Variants in RAB27B observed in about 807,000 individuals in gnomAD.
RAB27B encodes the protein ras-related protein Rab-27B.
Under a neutral mutation model 24.6 loss-of-function variants are expected in RAB27B, and 15 were observed. The ratio of observed to expected loss-of-function variants is 0.61; its 90% confidence interval spans 0.41 to 0.94. RAB27B has a LOEUF of 0.94. RAB27B is among the 40% of genes least tolerant of loss of function. RAB27B has a pLI of 0.00. For synonymous variants in RAB27B, 105 were observed against 92.5 expected, an observed-to-expected ratio of 1.14 and a Z score of -0.78; for missense variants, 261 against 266.8, an observed-to-expected ratio of 0.98 and a Z score of 0.15.
intron 1 of RAB27B, among the ~76,000 whole-genome samples, chr18:54,872,206 A>G (rs933947429): frequency 1.3e-5 from 2 of 152,184 alleles, no homozygotes; most frequent in Non-Finnish European, 2.9e-5. Context: ...CTCTGCTAGC[A>G]CAAATTTTAC....
At chr18:54,780,695 G>T (rs1347419960) in intron 2 of RAB27B, among the ~76,000 whole-genome samples, 1 of 152,170 alleles carries the variant, frequency 6.6e-6, no homozygotes, top group Non-Finnish European at 1.5e-5. Flanking sequence ...CATATTCTGA[G>T]ATATTGGCAG....
intron 2 of RAB27B, among the ~76,000 whole-genome samples, chr18:54,758,036 C>T (rs1018231665): frequency 5.3e-5 from 8 of 151,880 alleles, no homozygotes; most frequent in Non-Finnish European, 8.8e-5. Context: ...TGCAGTGGTG[C>T]GCTCTCGGCT....
intron 2 of RAB27B, among the ~76,000 whole-genome samples, chr18:54,727,226 G>A (rs1164802406): frequency 1.3e-5 from 2 of 151,986 alleles, no homozygotes; most frequent in African/African-American, 2.4e-5. Context: ...CGCCTGCCTC[G>A]GCCTTCCAAA....
intron 1 of RAB27B, among the ~76,000 whole-genome samples, chr18:54,875,010 A>C (rs932978581): frequency 6.6e-6 from 1 of 152,134 alleles, no homozygotes; most frequent in African/African-American, 2.4e-5. Flanking sequence ...CAACATATTC[A>C]ATGATACAGT....
chr18:54,752,053 T>C (rs1325607690), intron 2 of RAB27B, among the ~76,000 whole-genome samples: 1 of 152,132 alleles, frequency 6.6e-6, no homozygotes, highest in Non-Finnish European at 1.5e-5. Context: ...TCACAGAAGT[T>C]ATTACTACTT....
Position 54,895,511 on chromosome 18 carries a change from CAAT to C in RAB27B, c.*6099_*6101del, listed in dbSNP as rs1913532918. 1.3e-5 allele frequency: 2 copies of C among 152,132 alleles called. No individual in the cohort carries two copies. Among genetic ancestry groups the C allele is most frequent in the Non-Finnish European group, 2.9e-5 (2 of 68,000 alleles). 9.4% of individuals were successfully genotyped at this position (152,132 alleles called of 1,614,324 possible). ...TTTCAAATAAAAAATGAATTTTTAT[CAAT>C]TATTTTCTGTACTCAAAGCAACTTT... On this transcript the variant is annotated 3_prime_UTR_variant, in exon 6 of 6. Transcript: ENST00000262094.
intron 2 of RAB27B, among the ~76,000 whole-genome samples, chr18:54,802,165 T>C (rs1485332131): frequency 1.3e-5 from 2 of 152,242 alleles, no homozygotes; most frequent in Non-Finnish European, 2.9e-5. Flanking sequence ...AATCTTTACA[T>C]TGTTTGCAAA....
At chr18:54,779,965 C>T (rs1349358051) in intron 2 of RAB27B, among the ~76,000 whole-genome samples, 1 of 150,156 alleles carries the variant, frequency 6.7e-6, no homozygotes, top group African/African-American at 2.5e-5. Flanking sequence ...TGACGGCTTC[C>T]TCCTCACCGT....
chr18:54,749,931 T>C (rs939749883), intron 2 of RAB27B, among the ~76,000 whole-genome samples: 1 of 152,188 alleles, frequency 6.6e-6, no homozygotes, highest in African/African-American at 2.4e-5. Context: ...CTTTTAAAAA[T>C]AAATACTGTT....
At chr18:54,834,740 C>A (rs1910826908) in intron 1 of RAB27B, among the ~76,000 whole-genome samples, 1 of 149,760 alleles carries the variant, frequency 6.7e-6, no homozygotes, top group Admixed American at 6.6e-5. Context: ...AACATATGAA[C>A]TCTATAATAG....
In RAB27B at chr18:54,888,198, A is replaced by G. The variant is rs371895127; in HGVS notation, c.467+80A>G. The G allele has an allele frequency of 1.2e-4, 173 of 1,499,928 alleles. 1 individual carries two copies. Among genetic ancestry groups the G allele is most frequent in the African/African-American group, 7.6e-4 (55 of 72,064 alleles). The allele number at this position is 1,499,928 out of a possible 1,614,324, so 92.9% of individuals were successfully genotyped here. A position where few individuals can be genotyped will look rare whatever the true frequency, so the allele number is the denominator to read the frequency against. ...GGAGCAGAGACATTAGATTGATATT[A>G]GAAGAAATCCCCTTAACCAAGAACA... On this transcript the variant is annotated intron_variant, in intron 5 of 5. Coordinates refer to ENST00000262094, the MANE Select transcript of RAB27B (RefSeq NM_004163.4).
chr18:54,750,928 G>A (rs573357438), intron 2 of RAB27B, among the ~76,000 whole-genome samples: 1 of 152,286 alleles, frequency 6.6e-6, no homozygotes, highest in South Asian at 2.1e-4. Context: ...AAGCATGTCG[G>A]AGAGGAGCAA....
rs1433072653 is a variant in RAB27B at position 54,881,203 on chromosome 18, G to GA, written c.239+1754dup. 3.3e-5 allele frequency among the ~76,000 whole-genome samples: 5 copies of GA among 152,268 alleles called. No homozygotes were observed. In the East Asian group the frequency reaches 9.6e-4, roughly 29 times the overall value. On this transcript the variant is annotated intron_variant, in intron 3 of 5. Transcript: ENST00000262094. ...CCAATACTATGACACTGGATTTTGA[G>GA]AAAAAGAAAGGTTTTATTGCAAATC...
rs142750049 is a variant in RAB27B at position 54,882,541 on chromosome 18, G to A, written c.240-1792G>A. On this transcript the variant is annotated intron_variant, in intron 3 of 5. Transcript: ENST00000262094. ...CATGCAGTGTTGGGAAGGCCCCTTC[G>A]GGAAGTGTTATTTCCTCTGATACCA... is the stretch of plus-strand genomic sequence containing the variant. 1.0e-3 allele frequency among the ~76,000 whole-genome samples: 152 copies of A among 152,260 alleles called. 1 individual carries two copies. Among genetic ancestry groups the A allele is most frequent in the African/African-American group, 3.5e-3 (144 of 41,560 alleles).
intron 2 of RAB27B, among the ~76,000 whole-genome samples, chr18:54,812,864 C>G (rs1306612480): frequency 6.6e-6 from 1 of 152,008 alleles, no homozygotes; most frequent in Non-Finnish European, 1.5e-5. Flanking sequence ...CAAATAGTTG[C>G]AAATAAAACT....
intron 2 of RAB27B, among the ~76,000 whole-genome samples, chr18:54,794,790 C>T (rs59158218): frequency 0.013 from 2,051 of 152,288 alleles, 41 homozygotes; most frequent in African/African-American, 0.046. Context: ...CTCCCCCCAA[C>T]CCCCAATGTG....
At chr18:54,830,484 G>T (rs1910631489) in intron 1 of RAB27B, among the ~76,000 whole-genome samples, 1 of 152,132 alleles carries the variant, frequency 6.6e-6, no homozygotes, top group African/African-American at 2.4e-5. Flanking sequence ...CAATAGTTCA[G>T]CTCTTAAGCA....
At chr18:54,887,279 A>G (rs1476502395) in intron 4 of RAB27B, among the ~76,000 whole-genome samples, 2 of 151,814 alleles carry the variant, frequency 1.3e-5, no homozygotes, top group East Asian at 1.9e-4. Context: ...CTTAAAAATC[A>G]TGTTCTATTT....
chr18:54,804,868 T>TC, intron 2 of RAB27B, among the ~76,000 whole-genome samples: 1 of 22,370 alleles, frequency 4.5e-5, no homozygotes, highest in African/African-American at 1.3e-4. Flanking sequence ...TTCCTTTCTT[T>TC]TTTTCTTTTT....
Sources: gnomAD v4.1 joint callset for allele counts (sites outside exome capture counted in the v4.1 genomes callset) on GRCh38, gnomAD v4.1.1 for gene constraint, MANE v1.5 for transcripts, NCBI Gene and HGNC (gene_info 2026-07-23, HGNC 2026-07-21) for gene names.